The following CMAS variants were observed in gnomAD, a reference collection of about 807,000 sequenced individuals.
The protein encoded by CMAS is cytidine monophosphate N-acetylneuraminic acid synthetase, also known as N-acylneuraminate cytidylyltransferase.
Under a neutral mutation model 53.4 loss-of-function variants are expected in CMAS, and 21 were observed. The ratio of observed to expected loss-of-function variants is 0.39; its 90% CI spans 0.28 to 0.57. The LOEUF is 0.57. CMAS is among the 20% of genes least tolerant of loss of function. The pLI is 0.56. For synonymous variants in CMAS, 189 were observed against 195.2 expected, an observed-to-expected ratio of 0.97 and a Z score of 0.27; for missense variants, 384 against 534.9, an observed-to-expected ratio of 0.72 and a Z score of 2.78.
intron 1 of CMAS, among the ~76,000 whole-genome samples, chr12:22,048,858 T>C (rs1950222583): frequency 6.6e-6 from 1 of 152,200 alleles, no homozygotes; most frequent in Admixed American, 6.5e-5. Flanking sequence ...AGATAAGCGC[T>C]AGTTAACAAA....
intron 1 of CMAS, among the ~76,000 whole-genome samples, chr12:22,052,193 C>A (rs1014477134): frequency 2.6e-5 from 4 of 152,208 alleles, no homozygotes; most frequent in African/African-American, 9.6e-5. Context: ...CCTCGCTTCT[C>A]TTTTCCTAAT....
rs1405474500 is a variant in CMAS, at chr12:22,050,522, A to C, written c.260+3959A>C. Among the ~76,000 whole-genome samples, 4 of 152,202 alleles carry C rather than the reference A, an allele frequency of 2.6e-5. No individual in the cohort carries two copies. In the East Asian group the frequency reaches 7.7e-4, roughly 29 times the overall value. ...AACGGGAAAGTTGTAATGATCTTTA[A>C]AATTATTTCTGGTGCTAACATTCTT... On this transcript the variant is annotated intron_variant, in intron 1 of 7. Coordinates refer to ENST00000229329, the MANE Select transcript of CMAS (RefSeq NM_018686.6).
intron 3 of CMAS, among the ~76,000 whole-genome samples, chr12:22,058,155 A>C (rs541811250): frequency 2.8e-4 from 43 of 151,028 alleles, no homozygotes; most frequent in Non-Finnish European, 6.0e-4. Flanking sequence ...GGCCGGGTGC[A>C]GTGCCTCATG....
intron 5 of CMAS, 51 bp downstream of exon 5, chr12:22,060,977 A>G (rs768410383): frequency 9.2e-7 from 1 of 1,087,106 alleles, no homozygotes; most frequent in South Asian, 1.3e-5. Flanking sequence ...TAATAATTAT[A>G]TTTCTAGATA....
intron 3 of CMAS, 151 bp from the exon 4 acceptor site, chr12:22,058,416 C>T (rs1425894194): frequency 3.7e-5 from 22 of 602,124 alleles, no homozygotes; most frequent in Non-Finnish European, 5.1e-5. Context: ...CAGAGCGAGA[C>T]TCTGTCTCAA....
intron 7 of CMAS, chr12:22,063,694 C>T (rs1286225023): frequency 6.7e-6 from 1 of 150,150 alleles, no homozygotes; most frequent in African/African-American, 2.5e-5. Context: ...AAAAATATTT[C>T]TACCACGAAT....
chr12:22,046,531 G>A lies in CMAS; in HGVS notation c.228G>A (p.Leu76=). 6.2e-7 allele frequency: 1 copy of A among 1,601,566 alleles called. No individual in the cohort carries two copies. Among genetic ancestry groups the A allele is most frequent in the Non-Finnish European group, 8.5e-7 (1 of 1,175,254 alleles). The change falls in exon 1 of 8, where the codon CTG becomes CTA. Residue 76 remains leucine, a synonymous_variant. Transcript: ENST00000229329. ...LAGVPLIGWV[L]RAALDSGAFQ... Reference sequence around the variant, plus strand: ...GGGTCCCGCTCATTGGCTGGGTCCTGCGTGCGGCCCTGGATTCAGGGGCCT... The same window carrying A: ...GGGTCCCGCTCATTGGCTGGGTCCTACGTGCGGCCCTGGATTCAGGGGCCT...
chr12:22,058,612 C>T lies in CMAS; in HGVS notation c.605C>T (p.Pro202Leu), dbSNP rs1950285183. Residue 202 changes from proline (P) to leucine (L), a missense_variant, in exon 4 of 8, where the codon CCT (proline) becomes CTT (leucine). Around this residue, in one of 3 missense-constraint regions of CMAS, gnomAD observed 139 missense variants for 248.0 expected, o/e 0.56. Coordinates refer to ENST00000229329, the MANE Select transcript of CMAS (RefSeq NM_018686.6). ...CTGAATTTAAATCCAGCTAAACGGC[C>T]TCGTCGACAAGACTGGGATGGAGAA... Reference protein sequence around the residue: ...EPLNLNPAKRPRRQDWDGELY... With the variant: ...EPLNLNPAKRLRRQDWDGELY... The T allele has an allele frequency of 2.5e-6, 4 of 1,613,512 alleles. No homozygotes were observed. Among genetic ancestry groups the T allele is most frequent in the African/African-American group, 2.7e-5 (2 of 74,950 alleles).
chr12:22,057,238 CAT>C lies in CMAS; in HGVS notation c.560-1327_560-1326del, dbSNP rs1455001245. On this transcript the variant is annotated intron_variant, in intron 3 of 7. Transcript: ENST00000229329. ...AGTAACCAGCTATTACACACACACA[CAT>C]ACACACACACACACACACACACACA... 9.8e-3 allele frequency among the ~76,000 whole-genome samples: 1,195 copies of C among 122,546 alleles called. 9 individuals carry two copies. The highest frequency in any genetic ancestry group is 0.031 in the Middle Eastern group (8 of 262). The allele number at this position is 122,546 out of a possible 152,430, so 80.4% of individuals were successfully genotyped here.
At chr12:22,052,846 T>G (rs1282096159) in intron 1 of CMAS, among the ~76,000 whole-genome samples, 2 of 152,216 alleles carry the variant, frequency 1.3e-5, no homozygotes, top group East Asian at 3.9e-4. Context: ...AGGCTTTCTT[T>G]GATTATTTTT....
intron 1 of CMAS, among the ~76,000 whole-genome samples, chr12:22,053,200 A>C (rs1950246867): frequency 1.3e-5 from 2 of 152,004 alleles, no homozygotes; most frequent in African/African-American, 4.8e-5. Context: ...CTAAGGCATG[A>C]GAATCGCTTG....
chr12:22,059,941 C>G (rs1364583762), intron 4 of CMAS, among the ~76,000 whole-genome samples: 1 of 152,054 alleles, frequency 6.6e-6, no homozygotes, highest in Non-Finnish European at 1.5e-5. Context: ...TGACCCTTGC[C>G]TAGAATCAAG....
chr12:22,055,412 C>CT (rs776269531), intron 2 of CMAS, 43 bp from the exon 3 acceptor site: 104 of 1,512,692 alleles, frequency 6.9e-5, no homozygotes, highest in Admixed American at 1.2e-4. Flanking sequence ...TTGCAAGGAA[C>CT]TTTTTTTTTA....
chr12:22,053,983 G>A (rs1950252094), intron 1 of CMAS, among the ~76,000 whole-genome samples: 1 of 150,630 alleles, frequency 6.6e-6, no homozygotes, highest in South Asian at 2.1e-4. Context: ...CTGGAGTGCA[G>A]TGGCGCGATC....
chr12:22,062,183 G>A (rs1456827869), intron 6 of CMAS, 98 bp from the exon 7 acceptor site: 4 of 1,062,260 alleles, frequency 3.8e-6, no homozygotes, highest in Non-Finnish European at 5.2e-6. Flanking sequence ...TTTGTGATTT[G>A]GACTGTCTAC....
rs1020325151 is a variant in CMAS, at chr12:22,057,988, C to T, written c.560-579C>T. 4.6e-5 allele frequency among the ~76,000 whole-genome samples: 7 copies of T among 151,666 alleles called. No individual in the cohort carries two copies. In the East Asian group the frequency reaches 7.9e-4, roughly 17 times the overall value. On this transcript the variant is annotated intron_variant, in intron 3 of 7. Coordinates refer to ENST00000229329, the MANE Select transcript of CMAS (RefSeq NM_018686.6). Reference sequence around the variant, plus strand: ...GATTACAGGTACCCACCACCATGCCCGGCTAAATTTGTGTTTTTAGTGGAG... The same window carrying T: ...GATTACAGGTACCCACCACCATGCCTGGCTAAATTTGTGTTTTTAGTGGAG...
chr12:22,054,013 G>T (rs1189040730), intron 1 of CMAS, among the ~76,000 whole-genome samples: 1 of 151,132 alleles, frequency 6.6e-6, no homozygotes, highest in Non-Finnish European at 1.5e-5. Flanking sequence ...TGCAACCTCT[G>T]CCTCCCAGGT....
At chr12:22,055,434 C>T (rs761910633) in intron 2 of CMAS, 21 bp from the exon 3 acceptor site, 48 of 1,556,562 alleles carry the variant, frequency 3.1e-5, no homozygotes, top group Non-Finnish European at 4.1e-5. Flanking sequence ...ATATCCTTTT[C>T]ATTTCTCTTG....
At chr12:22,062,218 C>CTGTT (rs1026506223) in intron 6 of CMAS, 63 bp from the exon 7 acceptor site, 4 of 1,427,956 alleles carry the variant, frequency 2.8e-6, no homozygotes, top group African/African-American at 2.9e-5. Context: ...TGAAAGATTT[C>CTGTT]TGTTTTCTTC....
Sources: allele counts gnomAD v4.1 joint callset (sites outside exome capture counted in the v4.1 genomes callset), GRCh38; gene constraint gnomAD v4.1.1; regional missense constraint gnomAD v4.1.1; transcripts MANE v1.5; gene names NCBI Gene and HGNC (gene_info 2026-07-23, HGNC 2026-07-21).